Variants in CEACAM21 observed in about 807,000 individuals in gnomAD.
CEACAM21 encodes the protein cell adhesion molecule CEACAM21.
A neutral mutation model predicts 33.2 loss-of-function variants in CEACAM21; 38 were observed. That is an observed-to-expected ratio of 1.14 (90% CI 0.88 to 1.50). The LOEUF is 1.50. Ranked by LOEUF, CEACAM21 falls within the 40% of genes most tolerant of loss-of-function variation. The pLI is 0.00. For synonymous variants in CEACAM21, 156 were observed against 143.0 expected, an observed-to-expected ratio of 1.09 and a Z score of -0.65; for missense variants, 385 against 364.6, an observed-to-expected ratio of 1.06 and a Z score of -0.46.
intron 3 of CEACAM21, among the ~76,000 whole-genome samples, chr19:41,581,263 G>A (rs189107114): frequency 7.2e-4 from 110 of 152,354 alleles, no homozygotes; most frequent in African/African-American, 2.5e-3. Context: ...CATCTTAAGG[G>A]CGTGTTCCTG....
chr19:41,562,118 C>T (rs1229294507), intron 1 of CEACAM21, among the ~76,000 whole-genome samples: 1 of 152,000 alleles, frequency 6.6e-6, no homozygotes, highest in East Asian at 1.9e-4. Context: ...TGGTGACAGG[C>T]ACCTGTAATC....
At position 41,554,177 on chromosome 19, in the gene CEACAM21, C is replaced by T. The variant is rs782161414; in HGVS notation, c.-779+4625C>T. Among the ~76,000 whole-genome samples, 29 of 152,022 alleles carry T rather than the reference C, an allele frequency of 1.9e-4. 1 individual carries two copies. The highest frequency in any genetic ancestry group is 4.6e-4 in the Admixed American group (7 of 15,276). Reference sequence around the variant, plus strand: ...TCCTGTCCTGCTTGATATCAATGAACATTTTAGCTCTCCAAGTGTCCCGAA... The same window carrying T: ...TCCTGTCCTGCTTGATATCAATGAATATTTTAGCTCTCCAAGTGTCCCGAA... On this transcript the variant is annotated intron_variant, in intron 1 of 7. Coordinates refer to the CEACAM21 transcript ENST00000407170.
chr19:41,576,798 G>C (rs1002810141), intron 1 of CEACAM21, among the ~76,000 whole-genome samples: 27 of 152,102 alleles, frequency 1.8e-4, no homozygotes, highest in Non-Finnish European at 2.9e-5. Flanking sequence ...ACAATCTCAT[G>C]GGGGGGAAGA....
chr19:41,582,956 T>C (rs1286999051), intron 3 of CEACAM21, among the ~76,000 whole-genome samples: 1 of 152,250 alleles, frequency 6.6e-6, no homozygotes, highest in African/African-American at 2.4e-5. Context: ...TGGATTTTTC[T>C]TTTCTATTGC....
upstream of CEACAM21, among the ~76,000 whole-genome samples, chr19:41,572,150 A>G (rs76732266): frequency 0.024 from 3,637 of 152,260 alleles, 157 homozygotes; most frequent in African/African-American, 0.083. Context: ...TAAAACTACA[A>G]AAGTGACATT....
chr19:41,585,490 C>G lies in CEACAM21; in HGVS notation c.845C>G (p.Thr282Ser). The change falls in exon 5 of 7, where the codon ACC becomes AGC. Residue 282 changes from threonine (T) to serine (S), a missense_variant. By Grantham distance (58) the Thr-to-Ser change is moderately conservative (BLOSUM62 1). Transcript: ENST00000401445. ...AGGGAGCAGCAGCCCCCAGCCTCCACCCCCGGTGAGTGTCCCTTCAGTCTG... is the reference window on the plus strand; with the variant it reads ...AGGGAGCAGCAGCCCCCAGCCTCCAGCCCCGGTGAGTGTCCCTTCAGTCTG... Reference protein sequence around the residue: ...DFREQQPPASTPGHGPSDSSI... With the variant: ...DFREQQPPASSPGHGPSDSSI... 6.2e-7 allele frequency: 1 copy of G among 1,613,822 alleles called. No individual in the cohort carries two copies. Among genetic ancestry groups the G allele is most frequent in the Non-Finnish European group, 8.5e-7 (1 of 1,179,780 alleles).
chr19:41,585,453 CAG>C lies in CEACAM21; in HGVS notation c.811_812del (p.Ser271Ter). The C allele has an allele frequency of 6.2e-7, 1 of 1,613,848 alleles. No individual in the cohort carries two copies. The highest frequency in any genetic ancestry group is 8.5e-7 in the Non-Finnish European group (1 of 1,179,810). The part of the protein sequence containing the change: ...LLRKTGRASD[Q>X]SDFREQQPPA... ...CCTGACCTTTCCTAGGGCCAGCGAT[CAG>C]AGTGACTTCAGGGAGCAGCAGCCCC... On this transcript the variant is annotated frameshift_variant, in exon 5 of 7. Coordinates refer to ENST00000401445, the MANE Select transcript of CEACAM21 (RefSeq NM_001098506.4). LOFTEE classifies it high-confidence loss of function.
intron 5 of CEACAM21, 43 bp downstream of exon 5, chr19:41,585,538 C>T: frequency 6.2e-7 from 1 of 1,605,842 alleles, no homozygotes; most frequent in South Asian, 1.1e-5. Context: ...AACTACTAAG[C>T]CAGCCCCAAG....
intron 3 of CEACAM21, among the ~76,000 whole-genome samples, chr19:41,581,851 A>G (rs980719340): frequency 6.6e-6 from 1 of 152,164 alleles, no homozygotes; most frequent in African/African-American, 2.4e-5. Context: ...ATTTGGGTGA[A>G]GAAGAGCCAA....
upstream of CEACAM21, among the ~76,000 whole-genome samples, chr19:41,571,254 G>A (rs2122204081): frequency 6.6e-6 from 1 of 152,272 alleles, no homozygotes; most frequent in Non-Finnish European, 1.5e-5. Context: ...AATCGCATGT[G>A]TGGGAAGAGT....
At chr19:41,582,241 G>A (rs1427545690) in intron 3 of CEACAM21, among the ~76,000 whole-genome samples, 1 of 152,242 alleles carries the variant, frequency 6.6e-6, no homozygotes, top group African/African-American at 2.4e-5. Context: ...TGATGCAAGA[G>A]CTGAACTCCC....
chr19:41,558,375 C>T (rs552856001), intron 1 of CEACAM21, among the ~76,000 whole-genome samples: 4 of 152,122 alleles, frequency 2.6e-5, no homozygotes, highest in East Asian at 1.9e-4. Flanking sequence ...CAGCTGGGCA[C>T]GGTGGCTCAC....
intron 2 of CEACAM21, among the ~76,000 whole-genome samples, chr19:41,566,004 C>G (rs549524326): frequency 9.9e-5 from 15 of 151,824 alleles, no homozygotes; most frequent in Admixed American, 7.2e-4. Context: ...GATGGCTGAA[C>G]TCTCATGAAA....
At chr19:41,552,236 G>A (rs782670620) in intron 1 of CEACAM21, 2 of 152,256 alleles carry the variant, frequency 1.3e-5, no homozygotes, top group African/African-American at 2.4e-5. Flanking sequence ...ATGAGTCCAG[G>A]TGCTGGGGCT....
intron 3 of CEACAM21, among the ~76,000 whole-genome samples, chr19:41,583,739 A>G (rs782066438): frequency 5.9e-5 from 9 of 152,176 alleles, no homozygotes; most frequent in Non-Finnish European, 8.8e-5. Flanking sequence ...TCATGATTCA[A>G]TTACCTCCCA....
At position 41,584,917 on chromosome 19, in the gene CEACAM21, G is replaced by A. The variant is rs543917314; in HGVS notation, c.797+474G>A. Reference sequence around the variant, plus strand: ...TGAGCTGTGAGAAGGGAGAACCGGGGCCCCAATATGGCATATCCTGGAATG... The same window carrying A: ...TGAGCTGTGAGAAGGGAGAACCGGGACCCCAATATGGCATATCCTGGAATG... On this transcript the variant is annotated intron_variant, in intron 4 of 6. Transcript: ENST00000401445. Among the ~76,000 whole-genome samples, 204 of 152,312 alleles carry A rather than the reference G, an allele frequency of 1.3e-3. 1 individual carries two copies. Among genetic ancestry groups the A allele is most frequent in the Admixed American group, 2.3e-3 (35 of 15,298 alleles).
At chr19:41,552,373 AAAC>A (rs782107410) in intron 1 of CEACAM21, 2 of 152,138 alleles carry the variant, frequency 1.3e-5, no homozygotes, top group African/African-American at 2.4e-5. Flanking sequence ...GTTTAATCCT[AAAC>A]AGGTCTGGTT....
intron 6 of CEACAM21, 153 bp from the exon 7 acceptor site, chr19:41,586,311 G>T: frequency 1.8e-6 from 1 of 559,982 alleles, no homozygotes; most frequent in Non-Finnish European, 3.4e-6. Context: ...ATAACAGGAG[G>T]TGGTGAGCAG....
At chr19:41,584,264 G>C in intron 3 of CEACAM21, 83 bp from the exon 4 acceptor site, 1 of 1,178,788 alleles carries the variant, frequency 8.5e-7, no homozygotes, top group South Asian at 1.3e-5. Context: ...CTTCCTCCCT[G>C]ACCATGCCCC....
Sources: allele counts gnomAD v4.1 joint callset (sites outside exome capture counted in the v4.1 genomes callset), GRCh38; gene constraint gnomAD v4.1.1; transcripts MANE v1.5; gene names NCBI Gene and HGNC (gene_info 2026-07-23, HGNC 2026-07-21).